The following PRKCQ variants were observed in gnomAD, a reference collection of about 807,000 sequenced individuals.
PRKCQ encodes the protein protein kinase C theta, also known as protein kinase C theta type.
In PRKCQ, 41 loss-of-function variants were observed where a neutral mutation model predicts 91.2. That is an observed-to-expected ratio of 0.45 (90% CI 0.35 to 0.58). The LOEUF (loss-of-function observed/expected upper bound fraction) is 0.58. Ranked by LOEUF, PRKCQ falls within the 20% of genes least tolerant of loss-of-function variation. The pLI is 0.00. For synonymous variants in PRKCQ, 307 were observed against 316.9 expected (o/e 0.97, Z 0.33); for missense variants, 673 against 896.5 (o/e 0.75, Z 3.18).
chr10:6,515,290 C>T (rs1838703953), intron 1 of PRKCQ, 146 bp from the exon 2 acceptor site: 6 of 1,529,892 alleles, frequency 3.9e-6, no homozygotes, highest in Non-Finnish European at 5.2e-6. Context: ...GTTTTCACTT[C>T]CCCTTCTGCA....
At chr10:6,542,690 C>T (rs903306688) in intron 1 of PRKCQ, among the ~76,000 whole-genome samples, 1 of 152,130 alleles carries the variant, frequency 6.6e-6, no homozygotes, top group African/African-American at 2.4e-5. Flanking sequence ...TTCTAGCACC[C>T]AGGGGTATGT....
intron 8 of PRKCQ, among the ~76,000 whole-genome samples, chr10:6,486,434 T>G (rs751331514): frequency 8.5e-5 from 13 of 152,138 alleles, no homozygotes; most frequent in Non-Finnish European, 1.6e-4. Context: ...CCCACCTGCG[T>G]GCCATGTCAG....
At chr10:6,401,135 T>G in the PRKCQ span, among the ~76,000 whole-genome samples, 1 of 152,124 alleles carries the variant, frequency 6.6e-6, no homozygotes, top group African/African-American at 2.4e-5. Flanking sequence ...AGAACATTAC[T>G]CTTGTCCTCA....
At chr10:6,545,158 A>G (rs1258335381) in intron 1 of PRKCQ, among the ~76,000 whole-genome samples, 3 of 152,248 alleles carry the variant, frequency 2.0e-5, no homozygotes, top group African/African-American at 7.2e-5. Flanking sequence ...GTGTGACTTC[A>G]GGAACCACGG....
At chr10:6,438,597 CT>C (rs796862312) in intron 16 of PRKCQ, among the ~76,000 whole-genome samples, 37 of 148,492 alleles carry the variant, frequency 2.5e-4, no homozygotes, top group East Asian at 7.9e-4. Context: ...GTGCTAGACT[CT>C]TTTTTTTTTG....
At chr10:6,442,694 G>A (rs1370768738) in intron 15 of PRKCQ, among the ~76,000 whole-genome samples, 2 of 152,172 alleles carry the variant, frequency 1.3e-5, no homozygotes, top group African/African-American at 4.8e-5. Flanking sequence ...GGGTGCAGTG[G>A]CTCACTCCTG....
At chr10:6,555,980 G>A (rs1330591350) in intron 1 of PRKCQ, among the ~76,000 whole-genome samples, 1 of 152,168 alleles carries the variant, frequency 6.6e-6, no homozygotes, top group Admixed American at 6.5e-5. Flanking sequence ...CTGCACTGAA[G>A]CCTGGGTAAC....
chr10:6,485,269 C>A lies in PRKCQ; in HGVS notation c.901G>T (p.Ala301Ser), dbSNP rs773449510. Residue 301 changes from alanine to serine, a missense_variant and splice_region_variant, in exon 10 of 18, where the codon GCT (alanine) becomes TCT (serine). By Grantham distance (99) the Ala-to-Ser change is moderately conservative (BLOSUM62 1). Coordinates refer to ENST00000263125, the MANE Select transcript of PRKCQ (RefSeq NM_006257.5). The part of the protein sequence containing the change: ...ALAMIESTQQ[A>S]RCLRDTEQIF... ...TGTTCAGTATCTCTTAAGCAGCGAG[C>A]CTGGATGACAAACAGAGAGTCAGAC... 4.3e-6 allele frequency: 7 copies of A among 1,612,734 alleles called. No homozygotes were observed. The highest frequency in any genetic ancestry group is 5.9e-6 in the Non-Finnish European group (7 of 1,179,140).
At chr10:6,434,619 C>T (rs1392282878) in intron 16 of PRKCQ, among the ~76,000 whole-genome samples, 1 of 152,132 alleles carries the variant, frequency 6.6e-6, no homozygotes, top group African/African-American at 2.4e-5. Flanking sequence ...TTGATTTTGT[C>T]TGTAAAAGCT....
At chr10:6,454,578 T>C (rs1834906646) in intron 15 of PRKCQ, among the ~76,000 whole-genome samples, 1 of 152,132 alleles carries the variant, frequency 6.6e-6, no homozygotes, top group Non-Finnish European at 1.5e-5. Context: ...TAGTTTTCTC[T>C]CTAGAAGACT....
intron 7 of PRKCQ, among the ~76,000 whole-genome samples, chr10:6,493,954 T>A (rs1445062880): frequency 6.6e-6 from 1 of 152,230 alleles, no homozygotes; most frequent in African/African-American, 2.4e-5. Context: ...ATCATACTCC[T>A]GAGCAGGCTG....
the PRKCQ span, among the ~76,000 whole-genome samples, chr10:6,407,758 C>A: frequency 1.3e-5 from 2 of 151,908 alleles, no homozygotes; most frequent in Admixed American, 1.3e-4. This position sits in a 1 kb window ranked among gnomAD's most constrained non-coding sequence, Gnocchi z 4.0. Context: ...CTCCATGGTC[C>A]CATTATCTAG....
At chr10:6,488,004 C>CAAAAA (rs774276182) in intron 8 of PRKCQ, among the ~76,000 whole-genome samples, 5 of 113,274 alleles carry the variant, frequency 4.4e-5, no homozygotes, top group Admixed American at 3.6e-4. Context: ...GACTGTGTCT[C>CAAAAA]AAAAAAAAAA....
At chr10:6,395,883 T>C in the PRKCQ span, among the ~76,000 whole-genome samples, 4 of 152,096 alleles carry the variant, frequency 2.6e-5, no homozygotes, top group Admixed American at 1.3e-4. Context: ...AGGCCAACCT[T>C]TTCCTTCTCT....
intron 1 of PRKCQ, among the ~76,000 whole-genome samples, chr10:6,569,491 C>T (rs906261873): frequency 7.9e-5 from 12 of 152,052 alleles, no homozygotes; most frequent in Admixed American, 2.0e-4. Context: ...GGCTTTATCC[C>T]GGGGGCACTG....
At chr10:6,431,351 T>C (rs965694068) in intron 16 of PRKCQ, among the ~76,000 whole-genome samples, 1 of 152,064 alleles carries the variant, frequency 6.6e-6, no homozygotes, top group Non-Finnish European at 1.5e-5. Flanking sequence ...GACAGGCACA[T>C]GTGACGGCAT....
chr10:6,397,924 T>TA, the PRKCQ span, among the ~76,000 whole-genome samples: 34 of 148,432 alleles, frequency 2.3e-4, no homozygotes, highest in African/African-American at 7.2e-4. Context: ...AGACTCCGTC[T>TA]AAAAAAAAAA....
chr10:6,575,960 A>T (rs911936280), intron 1 of PRKCQ, among the ~76,000 whole-genome samples: 1 of 152,152 alleles, frequency 6.6e-6, no homozygotes, highest in Non-Finnish European at 1.5e-5. Flanking sequence ...GAATTGCTTG[A>T]ACCTGGGAGG....
rs1464817613 is a variant in PRKCQ at position 6,507,993 on chromosome 10, T to C, written c.319-497A>G. Reference sequence around the variant, plus strand: ...GGTTAATCAGGGCATTCAATGGGGATGGCTTTTCTCTTTCACAAAGAGAGA... The same window carrying C: ...GGTTAATCAGGGCATTCAATGGGGACGGCTTTTCTCTTTCACAAAGAGAGA... On this transcript the variant is annotated intron_variant, in intron 3 of 17. Transcript: ENST00000263125. 5.3e-5 allele frequency among the ~76,000 whole-genome samples: 8 copies of C among 152,342 alleles called. No homozygotes were observed. In the East Asian group the frequency reaches 5.8e-4, roughly 11 times the overall value.
Sources: gnomAD v4.1 joint callset for allele counts (sites outside exome capture counted in the v4.1 genomes callset) on GRCh38, gnomAD v4.1.1 for gene constraint, Gnocchi (gnomAD v3.1) non-coding constraint, MANE v1.5 for transcripts, NCBI Gene and HGNC (gene_info 2026-07-23, HGNC 2026-07-21) for gene names.